The following COL14A1 variants were observed in gnomAD, a reference collection of about 807,000 sequenced individuals.
COL14A1 encodes collagen alpha-1(XIV) chain.
A neutral mutation model predicts 230.3 loss-of-function variants in COL14A1; 136 were observed. The ratio of observed to expected loss-of-function variants is 0.59; its 90% CI spans 0.51 to 0.68. The LOEUF is 0.68. COL14A1 is among the 30% of genes least tolerant of loss of function. COL14A1 has a pLI of 0.00. For synonymous variants in COL14A1, 792 were observed against 784.1 expected (o/e 1.01, Z -0.17); for missense variants, 1,976 against 2,215.8 (o/e 0.89, Z 2.17).
At chr8:120,152,932 C>T (rs891885995) in intron 2 of COL14A1, among the ~76,000 whole-genome samples, 71 of 152,266 alleles carry the variant, frequency 4.7e-4, no homozygotes, top group African/African-American at 1.7e-3. Flanking sequence ...CCTCTGTGTT[C>T]ACACGTTGAC....
chr8:120,278,395 G>A (rs1169143057), intron 27 of COL14A1, 40 bp from the exon 28 acceptor site: 2 of 1,587,620 alleles, frequency 1.3e-6, no homozygotes, highest in Non-Finnish European at 1.7e-6. Flanking sequence ...AACAAAAATG[G>A]GAGGGAGTGA....
At chr8:120,131,130 C>G (rs142914610) in intron 1 of COL14A1, among the ~76,000 whole-genome samples, 1 of 152,282 alleles carries the variant, frequency 6.6e-6, no homozygotes, top group African/African-American at 2.4e-5. Flanking sequence ...TGATGAGCAT[C>G]TAGGTTGATT....
intron 40 of COL14A1, among the ~76,000 whole-genome samples, chr8:120,327,005 G>A (rs1202885580): frequency 3.9e-5 from 6 of 152,118 alleles, no homozygotes; most frequent in African/African-American, 1.2e-4. Flanking sequence ...CAGCCTGAGC[G>A]ACAGAGTGAG....
At chr8:120,259,307 G>A (rs1267694893) in intron 23 of COL14A1, among the ~76,000 whole-genome samples, 2 of 152,090 alleles carry the variant, frequency 1.3e-5, no homozygotes, top group African/African-American at 4.8e-5. Flanking sequence ...CAAGCTGGTG[G>A]CGTTATAATT....
At chr8:120,323,338 T>G (rs985530527) in intron 40 of COL14A1, among the ~76,000 whole-genome samples, 1 of 152,184 alleles carries the variant, frequency 6.6e-6, no homozygotes, top group African/African-American at 2.4e-5. Context: ...ATGCATAGTT[T>G]GCAAAAATTG....
At chr8:120,227,586 T>C (rs1818138855) in intron 17 of COL14A1, among the ~76,000 whole-genome samples, 1 of 152,228 alleles carries the variant, frequency 6.6e-6, no homozygotes, top group South Asian at 2.1e-4. Context: ...CTCACCATTA[T>C]ATTTTCCAGG....
rs10955962 is a variant in COL14A1, at chr8:120,207,358, A to T, written c.1191+264A>T. 0.56 allele frequency among the ~76,000 whole-genome samples: 85,052 copies of T among 152,050 alleles called. 24,825 individuals carry two copies. The highest frequency in any genetic ancestry group is 0.72 in the African/African-American group (29,854 of 41,488). Reference sequence around the variant, plus strand: ...ACGTATTTTTCTTCTTAAAATTAATAAGTTCTAAAGTAAAAGGTATCAGTA... The same window carrying T: ...ACGTATTTTTCTTCTTAAAATTAATTAGTTCTAAAGTAAAAGGTATCAGTA... On this transcript the variant is annotated intron_variant, in intron 10 of 47. Transcript: ENST00000297848.
At chr8:120,284,345 A>G (rs1820128991) in intron 32 of COL14A1, among the ~76,000 whole-genome samples, 1 of 152,200 alleles carries the variant, frequency 6.6e-6, no homozygotes, top group Admixed American at 6.5e-5. Flanking sequence ...GAGGTTGGAA[A>G]CGTGAGGAAG....
chr8:120,207,313 A>C (rs1002108803), intron 10 of COL14A1, among the ~76,000 whole-genome samples: 2 of 152,204 alleles, frequency 1.3e-5, no homozygotes, highest in Admixed American at 1.3e-4. Context: ...AGAACTGGTC[A>C]GGTATGAATT....
In COL14A1 at chr8:120,298,600, TA is replaced by T. The variant is rs1563724755; in HGVS notation, c.4314+1013del. Reference sequence around the variant, plus strand: ...GATGTGTGTATACCCATATATTTTATATATATATATATATATATATATATAT... The same window carrying T: ...GATGTGTGTATACCCATATATTTTATTATATATATATATATATATATATAT... On this transcript the variant is annotated intron_variant, in intron 35 of 47. Coordinates refer to ENST00000297848, the MANE Select transcript of COL14A1 (RefSeq NM_021110.4). Among the ~76,000 whole-genome samples the T allele has an allele frequency of 2.6e-3, 103 of 38,934 alleles. 1 individual carries two copies. The highest frequency in any genetic ancestry group is 3.9e-3 in the Non-Finnish European group (68 of 17,462). 25.5% of individuals were successfully genotyped at this position (38,934 alleles called of 152,430 possible).
chr8:120,289,207 G>C (rs752111022), intron 33 of COL14A1, among the ~76,000 whole-genome samples: 1 of 152,070 alleles, frequency 6.6e-6, no homozygotes, highest in Non-Finnish European at 1.5e-5. Context: ...CCAACCACTC[G>C]TGGTGCTTTG....
intron 1 of COL14A1, among the ~76,000 whole-genome samples, chr8:120,125,606 C>T (rs758365627): frequency 6.6e-6 from 1 of 151,974 alleles, no homozygotes; most frequent in Non-Finnish European, 1.5e-5. Context: ...TGTGCTGCTC[C>T]GGGAAGCTTT....
At chr8:120,345,353 G>C (rs201156742) in intron 44 of COL14A1, 22 bp from the exon 45 acceptor site, 61 of 1,541,724 alleles carry the variant, frequency 4.0e-5, no homozygotes, top group Non-Finnish European at 4.9e-5. Flanking sequence ...ACTGAATGCT[G>C]TCTTTATGCT....
chr8:120,197,115 T>C (rs1817061940), intron 6 of COL14A1, among the ~76,000 whole-genome samples, 169 bp downstream of exon 6: 1 of 152,218 alleles, frequency 6.6e-6, no homozygotes, highest in African/African-American at 2.4e-5. Flanking sequence ...TTCCTTCTAA[T>C]TTTTGCAATG....
At chr8:120,279,910 G>T in intron 28 of COL14A1, 25 bp from the exon 29 acceptor site, 1 of 1,608,288 alleles carries the variant, frequency 6.2e-7, no homozygotes, top group East Asian at 2.2e-5. Flanking sequence ...AAAGTAATCG[G>T]AAATCTGTTC....
At chr8:120,313,910 A>T (rs1439049899) in intron 37 of COL14A1, 22 bp from the exon 38 acceptor site, 1 of 1,525,726 alleles carries the variant, frequency 6.6e-7, no homozygotes, top group Non-Finnish European at 9.0e-7. Context: ...TTTTAGGATG[A>T]TACTTCTCTC....
chr8:120,370,698 A>G (rs1823557080), intron 47 of COL14A1: 2 of 1,421,290 alleles, frequency 1.4e-6, no homozygotes, highest in South Asian at 2.5e-5. Flanking sequence ...TAATAAAGTT[A>G]CTTAACTGTG....
At chr8:120,271,649 G>C (rs1819669070) in intron 26 of COL14A1, among the ~76,000 whole-genome samples, 1 of 151,520 alleles carries the variant, frequency 6.6e-6, no homozygotes, top group Admixed American at 6.6e-5. Flanking sequence ...TAAGTACAGA[G>C]GACCCAAGGT....
chr8:120,149,463 T>C (rs573900252), intron 2 of COL14A1, among the ~76,000 whole-genome samples: 4 of 152,280 alleles, frequency 2.6e-5, no homozygotes, highest in African/African-American at 9.6e-5. Context: ...GCTGTGGCAA[T>C]TAGGAAATTC....
Sources: gnomAD v4.1 joint callset for allele counts (sites outside exome capture counted in the v4.1 genomes callset) on GRCh38, gnomAD v4.1.1 for gene constraint, MANE v1.5 for transcripts, NCBI Gene and HGNC (gene_info 2026-07-23, HGNC 2026-07-21) for gene names.